The following PTPRN2 variants were observed in gnomAD, a reference collection of about 807,000 sequenced individuals.
PTPRN2 encodes the protein protein tyrosine phosphatase receptor type N2.
In PTPRN2, 74 loss-of-function variants were observed where a neutral mutation model predicts 118.8. The ratio of observed to expected loss-of-function variants is 0.62; its 90% CI spans 0.52 to 0.76. PTPRN2 has a LOEUF of 0.76. PTPRN2 is among the 30% of genes least tolerant of loss of function. The pLI is 0.00. For synonymous variants in PTPRN2, 641 were observed against 608.0 expected, an observed-to-expected ratio of 1.05 and a Z score of -0.80; for missense variants, 1,481 against 1,394.4, an observed-to-expected ratio of 1.06 and a Z score of -0.99.
rs200139943 is a variant in PTPRN2 at position 158,008,111 on chromosome 7, CTG to C, written c.1723+73185_1723+73186del. On this transcript the variant is annotated intron_variant, in intron 11 of 22. Transcript: ENST00000389418. ...TGGGTGTGCTGTGTGTGGGGGTGTG[CTG>C]TGTGTGTGGGTGTGTACATGTACAC... Among the ~76,000 whole-genome samples the C allele has an allele frequency of 4.3e-3, 558 of 128,378 alleles. 3 individuals carry two copies. The highest frequency in any genetic ancestry group is 0.017 in the Middle Eastern group (3 of 178). The allele number at this position is 128,378 out of a possible 152,430, so 84.2% of individuals were successfully genotyped here. A position where few individuals can be genotyped will look rare whatever the true frequency, so the allele number is the denominator to read the frequency against.
intron 17 of PTPRN2, 40 bp downstream of exon 17, chr7:157,595,195 ATCT>A (rs760280731): frequency 4.4e-6 from 7 of 1,580,736 alleles, no homozygotes; most frequent in East Asian, 2.2e-5. Context: ...AGTTATTGAG[ATCT>A]TCTTTTCAGA....
chr7:158,203,610 A>C (rs1280158891), intron 4 of PTPRN2, among the ~76,000 whole-genome samples: 1 of 151,838 alleles, frequency 6.6e-6, no homozygotes, highest in Non-Finnish European at 1.5e-5. Flanking sequence ...CCCCAGAGTG[A>C]GGAGGAGCCA....
At chr7:158,168,318 C>T (rs532677637) in intron 5 of PTPRN2, among the ~76,000 whole-genome samples, 111 of 152,372 alleles carry the variant, frequency 7.3e-4, no homozygotes, top group Middle Eastern at 3.4e-3. Flanking sequence ...ACTGCATTCA[C>T]AGCAATGAGA....
At chr7:158,402,339 A>G (rs1213284551) in intron 2 of PTPRN2, among the ~76,000 whole-genome samples, 1 of 152,068 alleles carries the variant, frequency 6.6e-6, no homozygotes, top group Admixed American at 6.5e-5. Context: ...CTGTACACAC[A>G]TGCATTCCAG....
chr7:158,313,253 C>T (rs1415453130), intron 3 of PTPRN2, among the ~76,000 whole-genome samples: 1 of 152,192 alleles, frequency 6.6e-6, no homozygotes, highest in Non-Finnish European at 1.5e-5. Flanking sequence ...AGGCCTCCTG[C>T]CACAGGGTCG....
intron 2 of PTPRN2, among the ~76,000 whole-genome samples, chr7:158,459,160 C>T (rs752505474): frequency 2.7e-4 from 41 of 149,846 alleles, no homozygotes; most frequent in Non-Finnish European, 3.7e-4. Context: ...GAGGAAGACA[C>T]CAAGGCTTGA....
At chr7:158,341,909 C>G (rs58175701) in intron 2 of PTPRN2, among the ~76,000 whole-genome samples, 2 of 136,334 alleles carry the variant, frequency 1.5e-5, no homozygotes, top group Non-Finnish European at 3.1e-5. Context: ...TGAGCTGACA[C>G]CTGCAGACGT....
intron 11 of PTPRN2, among the ~76,000 whole-genome samples, chr7:158,047,258 G>A (rs1415495782): frequency 6.6e-6 from 1 of 152,252 alleles, no homozygotes; most frequent in African/African-American, 2.4e-5. Flanking sequence ...AAGCCAGGCT[G>A]GAGCCCATGG....
At chr7:157,701,747 C>G (rs1390703617) in intron 12 of PTPRN2, among the ~76,000 whole-genome samples, 3 of 152,206 alleles carry the variant, frequency 2.0e-5, no homozygotes, top group African/African-American at 7.2e-5. Flanking sequence ...ATAAGAGAGC[C>G]GGGTCAATGC....
chr7:157,988,045 TCCC>T (rs888274481), intron 11 of PTPRN2, among the ~76,000 whole-genome samples: 8 of 151,680 alleles, frequency 5.3e-5, no homozygotes, highest in African/African-American at 1.9e-4. Flanking sequence ...TCCTCACCAC[TCCC>T]CCTTTTGTCT....
intron 11 of PTPRN2, among the ~76,000 whole-genome samples, chr7:157,971,485 T>G (rs982749262): frequency 6.6e-6 from 1 of 152,158 alleles, no homozygotes; most frequent in Admixed American, 6.5e-5. Context: ...CGTTATTAAT[T>G]TCTTTGGTAT....
rs1312066298 is a variant in PTPRN2, at chr7:157,780,235, C to A, written c.1789-97298G>T. ...TCCAGCACAAGGACGTTCCTCAGAG[C>A]AAGGCATTTGCTCGCTCCCCTTGCT... On this transcript the variant is annotated intron_variant, in intron 12 of 22. Transcript: ENST00000389418. This position sits in a 1 kb window ranked among gnomAD's most constrained non-coding sequence, Gnocchi z 4.5. 1.3e-5 allele frequency among the ~76,000 whole-genome samples: 2 copies of A among 152,202 alleles called. No homozygotes were observed. The highest frequency in any genetic ancestry group is 1.9e-4 in the East Asian group (1 of 5,196).
In PTPRN2 at chr7:157,929,408, G is replaced by A. The variant is rs950405772; in HGVS notation, c.1724-30671C>T. Reference sequence around the variant, plus strand: ...ACCGGGAGACCCTGGCGCGACTCCTGAGGGCTTCAGTCCTCGGTTTGTTCC... The same window carrying A: ...ACCGGGAGACCCTGGCGCGACTCCTAAGGGCTTCAGTCCTCGGTTTGTTCC... On this transcript the variant is annotated intron_variant, in intron 11 of 22. Transcript: ENST00000389418. The surrounding 1 kb of genome is among the most constrained non-coding windows in gnomAD (Gnocchi z 4.4). Among the ~76,000 whole-genome samples the A allele has an allele frequency of 1.1e-4, 17 of 152,128 alleles. No homozygotes were observed. The highest frequency in any genetic ancestry group is 3.4e-4 in the African/African-American group (14 of 41,420).
intron 4 of PTPRN2, among the ~76,000 whole-genome samples, chr7:158,195,449 G>T (rs1442670576): frequency 6.6e-6 from 1 of 151,910 alleles, no homozygotes; most frequent in Non-Finnish European, 1.5e-5. Context: ...TTCTTTTTTA[G>T]GGGGCTTATT....
chr7:158,368,498 C>A (rs1809702144), intron 2 of PTPRN2, among the ~76,000 whole-genome samples: 1 of 152,216 alleles, frequency 6.6e-6, no homozygotes, highest in African/African-American at 2.4e-5. Context: ...AAGCCGACAG[C>A]CACACTTTGA....
At chr7:158,327,489 A>G (rs968694617) in intron 2 of PTPRN2, among the ~76,000 whole-genome samples, 1 of 151,764 alleles carries the variant, frequency 6.6e-6, no homozygotes, top group Non-Finnish European at 1.5e-5. Flanking sequence ...ATACATTCTC[A>G]CATGCACAAG....
At chr7:157,541,448 G>A (rs1383352287) in intron 22 of PTPRN2, among the ~76,000 whole-genome samples, 2 of 152,360 alleles carry the variant, frequency 1.3e-5, no homozygotes, top group Non-Finnish European at 2.9e-5. Flanking sequence ...AGCATCCAGT[G>A]GGCACGAGGG....
chr7:157,588,811 C>T lies in PTPRN2; in HGVS notation c.2496+6427G>A, dbSNP rs544887115. 3.3e-5 allele frequency among the ~76,000 whole-genome samples: 5 copies of T among 152,202 alleles called. No homozygotes were observed. In the South Asian group the frequency reaches 8.3e-4, roughly 25 times the overall value. On this transcript the variant is annotated intron_variant, in intron 17 of 22. Transcript: ENST00000389418. ...GAGGAGTGTGTATGCTGAAGAGACACCCTGGCACTACACATGTCTGGGTCT... is the reference window on the plus strand; with the variant it reads ...GAGGAGTGTGTATGCTGAAGAGACATCCTGGCACTACACATGTCTGGGTCT...
chr7:157,808,173 A>T lies in PTPRN2; in HGVS notation c.1788+90500T>A, dbSNP rs1805748917. 6.6e-6 allele frequency among the ~76,000 whole-genome samples: 1 copy of T among 152,106 alleles called. No individual in the cohort carries two copies. The highest frequency in any genetic ancestry group is 2.1e-4 in the South Asian group (1 of 4,818). On this transcript the variant is annotated intron_variant, in intron 12 of 22. Transcript: ENST00000389418. The surrounding 1 kb of genome is among the most constrained non-coding windows in gnomAD (Gnocchi z 5.0). ...CCTGTTAGGAACTGGGGTGCACAGCAGGAGGTGAGTGGTGGGTGAGTGAGC... is the reference window on the plus strand; with the variant it reads ...CCTGTTAGGAACTGGGGTGCACAGCTGGAGGTGAGTGGTGGGTGAGTGAGC...
Sources: gnomAD v4.1 joint callset for allele counts (sites outside exome capture counted in the v4.1 genomes callset) on GRCh38, gnomAD v4.1.1 for gene constraint, Gnocchi (gnomAD v3.1) non-coding constraint, MANE v1.5 for transcripts, NCBI Gene and HGNC (gene_info 2026-07-23, HGNC 2026-07-21) for gene names.